HIVEP3: variants seen among roughly 807,000 people sequenced by gnomAD.
HIVEP3 encodes transcription factor HIVEP3.
In HIVEP3, 49 loss-of-function variants were observed where a neutral mutation model predicts 152.8. The ratio of observed to expected loss-of-function variants is 0.32; its 90% CI spans 0.26 to 0.41. HIVEP3 has a LOEUF of 0.41. Among genes scored for constraint, HIVEP3 ranks in the 10% least tolerant of loss-of-function variants. The pLI, the probability that HIVEP3 is intolerant of heterozygous loss-of-function variation, is 1.00. For missense variants in HIVEP3, 2,790 were observed against 3,103.3 expected (o/e 0.90, Z 2.40); for synonymous variants, 1,269 against 1,289.0 (o/e 0.98, Z 0.33).
chr1:41,798,930 T>C (rs181423970), intron 1 of HIVEP3, among the ~76,000 whole-genome samples: 5 of 152,168 alleles, frequency 3.3e-5, no homozygotes, highest in South Asian at 2.1e-4. Context: ...TGCCCCAATG[T>C]TGACATGAAG....
At chr1:41,566,364 T>G (rs1268880577) in intron 5 of HIVEP3, among the ~76,000 whole-genome samples, 1 of 152,104 alleles carries the variant, frequency 6.6e-6, no homozygotes, top group African/African-American at 2.4e-5. Context: ...AGTGTCTTCT[T>G]CTCATCAATG....
At chr1:41,927,958 G>T (rs1644976326) in intron 1 of HIVEP3, among the ~76,000 whole-genome samples, 1 of 151,020 alleles carries the variant, frequency 6.6e-6, no homozygotes, top group African/African-American at 2.4e-5. Context: ...CTACTCGGGA[G>T]GCTGAGGCAG....
intron 1 of HIVEP3, among the ~76,000 whole-genome samples, chr1:41,743,110 C>CG (rs1435486313): frequency 2.1e-5 from 3 of 144,448 alleles, no homozygotes; most frequent in Admixed American, 1.4e-4. Flanking sequence ...CCAAAGGCTG[C>CG]GGTGGGGTAT....
chr1:41,820,457 T>TAATA (rs1287434229), intron 1 of HIVEP3, among the ~76,000 whole-genome samples: 1 of 152,222 alleles, frequency 6.6e-6, no homozygotes, highest in East Asian at 1.9e-4. Flanking sequence ...TAGACTTTAC[T>TAATA]AATAGCATCT....
chr1:41,744,452 G>A (rs548550898), intron 1 of HIVEP3, among the ~76,000 whole-genome samples: 1 of 152,262 alleles, frequency 6.6e-6, no homozygotes, highest in Admixed American at 6.5e-5. Flanking sequence ...TCTTTGGCGG[G>A]TGCCAGTCTT....
At chr1:41,609,624 C>G (rs1046029740) in intron 3 of HIVEP3, among the ~76,000 whole-genome samples, 7 of 152,250 alleles carry the variant, frequency 4.6e-5, no homozygotes, top group Admixed American at 3.3e-4. Flanking sequence ...TTTTAAGACC[C>G]TTCAGCCTCC....
intron 1 of HIVEP3, among the ~76,000 whole-genome samples, chr1:41,824,780 TATATAGAGAG>T (rs1357573075): frequency 1.5e-4 from 2 of 13,598 alleles, no homozygotes; most frequent in African/African-American, 5.7e-4. Context: ...TATATATATA[TATATAGAGAG>T]AGAGAGAGAG....
intron 1 of HIVEP3, among the ~76,000 whole-genome samples, chr1:42,022,654 A>G (rs770140197): frequency 6.6e-6 from 1 of 152,222 alleles, no homozygotes; most frequent in Non-Finnish European, 1.5e-5. Flanking sequence ...CACTAAATGC[A>G]TATTTTTAAA....
intron 1 of HIVEP3, among the ~76,000 whole-genome samples, chr1:41,970,452 C>A (rs1253322230): frequency 6.6e-6 from 1 of 152,106 alleles, no homozygotes; most frequent in Non-Finnish European, 1.5e-5. Context: ...ACACCAAACA[C>A]CACATATTAT....
intron 2 of HIVEP3, among the ~76,000 whole-genome samples, chr1:41,677,724 T>C (rs902438668): frequency 5.3e-5 from 8 of 152,224 alleles, no homozygotes; most frequent in African/African-American, 1.9e-4. Context: ...CATTGGCCTG[T>C]AACTATCAAA....
At chr1:41,622,551 C>A (rs555916281) in intron 3 of HIVEP3, among the ~76,000 whole-genome samples, 56 of 152,286 alleles carry the variant, frequency 3.7e-4, no homozygotes, top group Non-Finnish European at 6.5e-4. Flanking sequence ...CCATTTTTTA[C>A]ATATTATCTG....
chr1:41,760,681 T>G (rs1318084050), intron 1 of HIVEP3, among the ~76,000 whole-genome samples: 1 of 152,206 alleles, frequency 6.6e-6, no homozygotes, highest in Admixed American at 6.5e-5. Context: ...GCCCTGGGGC[T>G]TGGGGGCCCT....
At chr1:41,771,183 T>A (rs540918406) in intron 1 of HIVEP3, among the ~76,000 whole-genome samples, 1 of 152,112 alleles carries the variant, frequency 6.6e-6, no homozygotes, top group Admixed American at 6.5e-5. Context: ...GCTCTAGAGG[T>A]ACCATCTTTG....
chr1:42,026,149 C>T (rs1458216012), intron 1 of HIVEP3, among the ~76,000 whole-genome samples: 1 of 151,964 alleles, frequency 6.6e-6, no homozygotes. Context: ...TTACCCTGCT[C>T]AGTACCAGGG....
intron 1 of HIVEP3, among the ~76,000 whole-genome samples, chr1:42,020,914 T>C (rs965352018): frequency 2.6e-5 from 4 of 152,134 alleles, no homozygotes; most frequent in African/African-American, 9.7e-5. Flanking sequence ...GGCCCTAAGG[T>C]AGACATGTAT....
intron 1 of HIVEP3, among the ~76,000 whole-genome samples, chr1:41,750,540 A>G (rs1647142871): frequency 6.6e-6 from 1 of 152,108 alleles, no homozygotes; most frequent in African/African-American, 2.4e-5. Flanking sequence ...TTCCAAGGCG[A>G]GGCCATTGCT....
chr1:41,946,119 C>CT (rs1336226790), intron 1 of HIVEP3, among the ~76,000 whole-genome samples: 3 of 152,192 alleles, frequency 2.0e-5, no homozygotes, highest in Non-Finnish European at 2.9e-5. Context: ...AATTGAATGC[C>CT]TAATAGGGCT....
intron 2 of HIVEP3, among the ~76,000 whole-genome samples, chr1:41,698,892 C>A (rs1165380761): frequency 6.6e-6 from 1 of 152,170 alleles, no homozygotes; most frequent in Non-Finnish European, 1.5e-5. Flanking sequence ...TGTGTCCCTT[C>A]TGGAGAAGGG....
intron 2 of HIVEP3, among the ~76,000 whole-genome samples, chr1:41,661,975 G>C (rs1221127681): frequency 3.3e-5 from 5 of 152,134 alleles, no homozygotes; most frequent in Admixed American, 2.0e-4. Context: ...CAAGGGTCCC[G>C]GGAGTTGGCA....
Sources: gnomAD v4.1 joint callset for allele counts (sites outside exome capture counted in the v4.1 genomes callset) on GRCh38, gnomAD v4.1.1 for gene constraint, MANE v1.5 for transcripts, NCBI Gene and HGNC (gene_info 2026-07-23, HGNC 2026-07-21) for gene names.